Variants in GGN observed in about 807,000 individuals in gnomAD.
The protein encoded by GGN is gametogenetin.
In GGN, 27 loss-of-function variants were observed where a neutral mutation model predicts 35.5. The observed-to-expected ratio is 0.76, with a 90% CI of 0.56 to 1.05. The LOEUF is 1.05. GGN is among the 50% of genes least tolerant of loss of function. The pLI, the probability that GGN is intolerant of heterozygous loss-of-function variation, is 0.00. For missense variants in GGN, 1,006 were observed against 940.7 expected, an observed-to-expected ratio of 1.07 and a Z score of -0.91; for synonymous variants, 425 against 444.1, an observed-to-expected ratio of 0.96 and a Z score of 0.54.
chr19:38,388,316 A>G (rs1970768694), upstream of GGN: 4 of 384,770 alleles, frequency 1.0e-5, no homozygotes, highest in Non-Finnish European at 1.8e-5. Context: ...CCTCGCCTGC[A>G]GCATCCAAAC....
chr19:38,385,073 G>A (rs994636647), intron 3 of GGN, among the ~76,000 whole-genome samples: 6 of 152,202 alleles, frequency 3.9e-5, no homozygotes, highest in East Asian at 1.9e-4. Flanking sequence ...GGCCTCGGAC[G>A]TGGTCCTCCT....
chr19:38,385,907 G>C lies in GGN; in HGVS notation c.1355C>G (p.Pro452Arg). The C allele has an allele frequency of 6.4e-7, 1 of 1,565,194 alleles. No individual in the cohort carries two copies. The highest frequency in any genetic ancestry group is 8.6e-7 in the Non-Finnish European group (1 of 1,157,264). ...CGGCAGCGGCGTTGGCTGGAGCGCTGGTGGCTGCAGTGTGGGCGGCGGTGT... is the reference window on the plus strand; with the variant it reads ...CGGCAGCGGCGTTGGCTGGAGCGCTCGTGGCTGCAGTGTGGGCGGCGGTGT... ...PPTPPPTLQP[P>R]ALQPTPLPVA... The change falls in exon 3 of 4, where the codon CCA becomes CGA. Residue 452 changes from proline (P) to arginine (R), a missense_variant. Transcript: ENST00000334928.
At position 38,386,461 on chromosome 19, in the gene GGN, C is replaced by G; in HGVS notation, c.801G>C (p.Ser267=). The change falls in exon 3 of 4, where the codon TCG becomes TCC. Residue 267 remains serine (S), a synonymous_variant. Transcript: ENST00000334928. ...AASSSLAAKA[S]LGGGGGGGLF... ...GGCCGCCGCCTCCGCCGCCCCCCAGCGAAGCTTTGGCTGCTAAGGAACTCG... is the reference window on the plus strand; with the variant it reads ...GGCCGCCGCCTCCGCCGCCCCCCAGGGAAGCTTTGGCTGCTAAGGAACTCG... The G allele has an allele frequency of 6.2e-7, 1 of 1,612,904 alleles. No homozygotes were observed. Among genetic ancestry groups the G allele is most frequent in the South Asian group, 1.1e-5 (1 of 91,088 alleles).
Position 38,385,600 on chromosome 19 carries a change from A to AGCTGTAGCTCGTTC in GGN, c.1648_1661dup (p.Thr555AsnfsTer66). 6.2e-7 allele frequency: 1 copy of AGCTGTAGCTCGTTC among 1,614,158 alleles called. No individual in the cohort carries two copies. The highest frequency in any genetic ancestry group is 8.5e-7 in the Non-Finnish European group (1 of 1,180,012). On this transcript the variant is annotated frameshift_variant, in exon 3 of 4. Transcript: ENST00000334928. LOFTEE classifies it high-confidence loss of function. The stretch of plus-strand genomic sequence containing the variant: ...CTCCACCACTGCTGTCAGGCACGGT[A>AGCTGTAGCTCGTTC]GCTGTAGCTCGTTCGCGAGGACCAT...
Position 38,387,195 on chromosome 19 carries a change from C to T in GGN, c.67G>A (p.Ala23Thr), listed in dbSNP as rs533538556. 3.5e-5 allele frequency: 55 copies of T among 1,592,662 alleles called. No individual in the cohort carries two copies. In the South Asian group the frequency reaches 4.2e-4, roughly 12 times the overall value. The part of the protein sequence containing the change: ...GSRKVQPSDR[A>T]PDSRRTSLVE... Reference sequence around the variant, plus strand: ...AGGGACGTCCGGCGGGAGTCGGGGGCGCGGTCCGAGGGCTGCACTTTTCGG... The same window carrying T: ...AGGGACGTCCGGCGGGAGTCGGGGGTGCGGTCCGAGGGCTGCACTTTTCGG... The change falls in exon 3 of 4, where the codon GCC becomes ACC. Residue 23 changes from alanine to threonine, a missense_variant. Ala to Thr is a moderately conservative substitution (Grantham distance 58, BLOSUM62 0). Transcript: ENST00000334928. The surrounding 1 kb of genome is among the most constrained non-coding windows in gnomAD (Gnocchi z 5.3).
Position 38,384,511 on chromosome 19 carries a change from G to A in GGN, c.1860C>T (p.Asn620=), listed in dbSNP as rs1970677781. 6.2e-7 allele frequency: 1 copy of A among 1,613,790 alleles called. No individual in the cohort carries two copies. The highest frequency in any genetic ancestry group is 1.1e-5 in the South Asian group (1 of 91,082). ...CAACCCAGGGTGGCTCGCCCAGGTG[G>A]TTGGTGGATGTGCTCAGCCTAGTGG... The part of the protein sequence containing the change: ...NVSAWLSTST[N]HLGEPPWVAT... Residue 620 remains asparagine (N), a synonymous_variant, in exon 4 of 4, where the codon AAC becomes AAT. Coordinates refer to ENST00000334928, the MANE Select transcript of GGN (RefSeq NM_152657.4).
At position 38,384,350 on chromosome 19, in the gene GGN, C is replaced by A; in HGVS notation, c.*62G>T. Reference sequence around the variant, plus strand: ...TGGCGAGTGATTGACAGGCTGCTGGCATCTGGATTGGTTATTTTATTGGCA... The same window carrying A: ...TGGCGAGTGATTGACAGGCTGCTGGAATCTGGATTGGTTATTTTATTGGCA... On this transcript the variant is annotated 3_prime_UTR_variant, in exon 4 of 4. Coordinates refer to ENST00000334928, the MANE Select transcript of GGN (RefSeq NM_152657.4). The A allele has an allele frequency of 1.7e-6, 2 of 1,210,630 alleles. No individual in the cohort carries two copies. Among genetic ancestry groups the A allele is most frequent in the East Asian group, 2.3e-5 (1 of 42,630 alleles). 75.0% of individuals were successfully genotyped at this position (1,210,630 alleles called of 1,614,324 possible).
rs1409686594 is a variant in GGN, at chr19:38,386,192, G to A, written c.1070C>T (p.Pro357Leu). ...GCGGAAGTGGCGTTCAGGGCCGTCG[G>A]GAGCGCTAACCCAGTCGAATTTGGG... ...SKPKFDWVSA[P>L]DGPERHFRFN... The change falls in exon 3 of 4, where the codon CCC (proline) becomes CTC (leucine). Residue 357 changes from proline to leucine, a missense_variant. Pro to Leu is a moderately conservative substitution (Grantham distance 98, BLOSUM62 -3). Transcript: ENST00000334928. 1.2e-6 allele frequency: 2 copies of A among 1,602,446 alleles called. No homozygotes were observed. Among genetic ancestry groups the A allele is most frequent in the Non-Finnish European group, 1.7e-6 (2 of 1,178,478 alleles).
At position 38,386,496 on chromosome 19, in the gene GGN, G is replaced by C. The variant is rs768669148; in HGVS notation, c.766C>G (p.Pro256Ala). ...GCTGCTAAGGAACTCGAGGCTGCCG[G>C]AGGGGCCAAAGAGGGCCTCGACTTG... ...TFKSRPSLAP[P>A]AASSSLAAKA... The change falls in exon 3 of 4, where the codon CCG becomes GCG. Residue 256 changes from proline (P) to alanine (A), a missense_variant. Transcript: ENST00000334928. 6.2e-7 allele frequency: 1 copy of C among 1,612,938 alleles called. No homozygotes were observed. The highest frequency in any genetic ancestry group is 2.2e-5 in the East Asian group (1 of 44,880).
rs1341496220 is a variant in GGN, at chr19:38,387,186, A to C, written c.76T>G (p.Ser26Ala). 1 of 1,590,900 alleles carries C rather than the reference A, an allele frequency of 6.3e-7. No individual in the cohort carries two copies. Among genetic ancestry groups the C allele is most frequent in the Admixed American group, 1.7e-5 (1 of 57,406 alleles). The change falls in exon 3 of 4, where the codon TCC becomes GCC. Residue 26 changes from serine to alanine, a missense_variant. Physicochemically the swap from Ser to Ala is moderately conservative, Grantham distance 99 (BLOSUM62 1). Coordinates refer to ENST00000334928, the MANE Select transcript of GGN (RefSeq NM_152657.4). This position sits in a 1 kb window ranked among gnomAD's most constrained non-coding sequence, Gnocchi z 5.3. ...KVQPSDRAPD[S>A]RRTSLVEPEM... ...GGCTCCACCAGGGACGTCCGGCGGG[A>C]GTCGGGGGCGCGGTCCGAGGGCTGC...
At position 38,386,618 on chromosome 19, in the gene GGN, C is replaced by G; in HGVS notation, c.644G>C (p.Arg215Thr). The change falls in exon 3 of 4, where the codon AGG (arginine) becomes ACG (threonine). Residue 215 changes from arginine to threonine, a missense_variant. Arg to Thr is a moderately conservative substitution (Grantham distance 71, BLOSUM62 -1). Transcript: ENST00000334928. ...ATGGGGAGGCGCCCCTCCGCGAGCC[C>G]TGCCGGCCGTCTGGCCCTGGTTGCG... Reference protein sequence around the residue: ...GPRNQGQTAGRARGGAPPHAG... With the variant: ...GPRNQGQTAGTARGGAPPHAG... The G allele has an allele frequency of 6.2e-7, 1 of 1,612,906 alleles. No homozygotes were observed. The highest frequency in any genetic ancestry group is 8.5e-7 in the Non-Finnish European group (1 of 1,179,508).
In GGN at chr19:38,387,226, C is replaced by G. The variant is rs752569716; in HGVS notation, c.36G>C (p.Gly12=). ...GNLQSEPSAG[G]GSRKVQPSDR... is the part of the protein sequence containing the mutation. The stretch of plus-strand genomic sequence containing the variant: ...CCGAGGGCTGCACTTTTCGGGAGCC[C>G]CCGCCCGCGGATGGCTCCGACTGCA... Residue 12 remains glycine (G), a synonymous_variant, in exon 3 of 4, where the codon GGG becomes GGC. Transcript: ENST00000334928. This position sits in a 1 kb window ranked among gnomAD's most constrained non-coding sequence, Gnocchi z 5.3. The G allele has an allele frequency of 1.3e-6, 2 of 1,595,338 alleles. No individual in the cohort carries two copies. The highest frequency in any genetic ancestry group is 1.1e-5 in the South Asian group (1 of 88,488).
Position 38,387,085 on chromosome 19 carries a change from T to G in GGN, c.177A>C (p.Gly59=). The change falls in exon 3 of 4, where the codon GGA becomes GGC. Residue 59 remains glycine, a synonymous_variant. Transcript: ENST00000334928. The surrounding 1 kb of genome is among the most constrained non-coding windows in gnomAD (Gnocchi z 5.3). ...VWFPGSATPP[G]LMVPREPQAS... is the part of the protein sequence containing the mutation. ...CCTGGGGCTCCCGGGGTACCATGAG[T>G]CCCGGGGGTGTGGCGCTGCCAGGGA... 1.3e-6 allele frequency: 2 copies of G among 1,558,502 alleles called. No individual in the cohort carries two copies. Among genetic ancestry groups the G allele is most frequent in the South Asian group, 1.2e-5 (1 of 84,882 alleles).
intron 3 of GGN, among the ~76,000 whole-genome samples, 174 bp downstream of exon 3, chr19:38,385,247 T>A (rs1400904083): frequency 6.6e-6 from 1 of 152,126 alleles, no homozygotes; most frequent in Non-Finnish European, 1.5e-5. Context: ...CCGTCAAAGG[T>A]CAGCATGGGA....
At position 38,386,729 on chromosome 19, in the gene GGN, G is replaced by C; in HGVS notation, c.533C>G (p.Pro178Arg). 3.1e-6 allele frequency: 5 copies of C among 1,609,078 alleles called. No individual in the cohort carries two copies. Among genetic ancestry groups the C allele is most frequent in the Non-Finnish European group, 4.2e-6 (5 of 1,176,618 alleles). ...GCGGTCCGCCGGCTGCCGTTCAGAA[G>C]GTAATGGTGGTGGCGGCTTCCAAGT... ...LETWKPPPPL[P>R]SERQPADRRI... Residue 178 changes from proline to arginine, a missense_variant, in exon 3 of 4, where the codon CCT becomes CGT. By Grantham distance (103) the Pro-to-Arg change is moderately radical. Coordinates refer to ENST00000334928, the MANE Select transcript of GGN (RefSeq NM_152657.4).
At position 38,386,623 on chromosome 19, in the gene GGN, G is replaced by T; in HGVS notation, c.639C>A (p.Ala213=). 1.2e-6 allele frequency: 2 copies of T among 1,612,782 alleles called. No individual in the cohort carries two copies. Among genetic ancestry groups the T allele is most frequent in the Non-Finnish European group, 1.7e-6 (2 of 1,179,438 alleles). Residue 213 remains alanine, a synonymous_variant, in exon 3 of 4, where the codon GCC becomes GCA. Coordinates refer to ENST00000334928, the MANE Select transcript of GGN (RefSeq NM_152657.4). ...QAGPRNQGQT[A]GRARGGAPPH... is the part of the protein sequence containing the mutation. Reference sequence around the variant, plus strand: ...GAGGCGCCCCTCCGCGAGCCCTGCCGGCCGTCTGGCCCTGGTTGCGGGGCC... The same window carrying T: ...GAGGCGCCCCTCCGCGAGCCCTGCCTGCCGTCTGGCCCTGGTTGCGGGGCC...
In GGN at chr19:38,387,617, T is replaced by C. The variant is rs566764837; in HGVS notation, c.-20+144A>G. On this transcript the variant is annotated intron_variant, in intron 2 of 3. Coordinates refer to ENST00000334928, the MANE Select transcript of GGN (RefSeq NM_152657.4). This position sits in a 1 kb window ranked among gnomAD's most constrained non-coding sequence, Gnocchi z 5.3. ...TCTCTAGAGCACCTGGGTCCCGCCCTCTTCCCAGGCAGGGGCAGATCCTCA... is the reference window on the plus strand; with the variant it reads ...TCTCTAGAGCACCTGGGTCCCGCCCCCTTCCCAGGCAGGGGCAGATCCTCA... 1.1e-4 allele frequency: 29 copies of C among 265,166 alleles called. No homozygotes were observed. Among genetic ancestry groups the C allele is most frequent in the African/African-American group, 6.5e-4 (29 of 44,664 alleles). The allele number at this position is 265,166 out of a possible 1,614,324, so 16.4% of individuals were successfully genotyped here. A position where few individuals can be genotyped will look rare whatever the true frequency, so the allele number is the denominator to read the frequency against.
rs1970727968 is a variant in GGN, at chr19:38,386,564, G to T, written c.698C>A (p.Ala233Glu). 4 of 1,613,568 alleles carry T rather than the reference G, an allele frequency of 2.5e-6. No homozygotes were observed. The highest frequency in any genetic ancestry group is 3.4e-6 in the Non-Finnish European group (4 of 1,179,910). The change falls in exon 3 of 4, where the codon GCG becomes GAG. Residue 233 changes from alanine (A) to glutamate (E), a missense_variant. Ala to Glu is a moderately radical substitution (Grantham distance 107). Coordinates refer to ENST00000334928, the MANE Select transcript of GGN (RefSeq NM_152657.4). Reference protein sequence around the residue: ...HAGEGEMAQPADSESGLSLLC... With the variant: ...HAGEGEMAQPEDSESGLSLLC... ...CAGGCTCAGACCGGACTCGGAATCC[G>T]CAGGCTGGGCCATTTCGCCTTCGCC...
Position 38,385,659 on chromosome 19 carries a change from G to A in GGN, c.1603C>T (p.Arg535Trp), listed in dbSNP as rs934335183. The A allele has an allele frequency of 6.2e-6, 10 of 1,613,696 alleles. No individual in the cohort carries two copies. The highest frequency in any genetic ancestry group is 8.5e-6 in the Non-Finnish European group (10 of 1,179,964). The change falls in exon 3 of 4, where the codon CGG (arginine) becomes TGG (tryptophan). Residue 535 changes from arginine to tryptophan, a missense_variant. By Grantham distance (101) the Arg-to-Trp change is moderately radical. Coordinates refer to ENST00000334928, the MANE Select transcript of GGN (RefSeq NM_152657.4). ...AAGCCATCCTTACGGGTCGCGCCCC[G>A]GGCTGCACGGGAACCCTTGTTCCTG... ...TRRNKGSRAA[R>W]GATRKDGLHG...
Sources: gnomAD v4.1 joint callset for allele counts (sites outside exome capture counted in the v4.1 genomes callset) on GRCh38, gnomAD v4.1.1 for gene constraint, Gnocchi (gnomAD v3.1) non-coding constraint, MANE v1.5 for transcripts, NCBI Gene and HGNC (gene_info 2026-07-23, HGNC 2026-07-21) for gene names.